Variants in ZNF599 observed in about 807,000 individuals in gnomAD.
ZNF599 encodes the protein zinc finger protein 599.
ZNF599 carries 10 observed loss-of-function variants against 11.7 expected under a neutral mutation model. The ratio of observed to expected loss-of-function variants is 0.86; its 90% confidence interval spans 0.53 to 1.45. The LOEUF is 1.45. Among genes scored for constraint, ZNF599 ranks in the 40% most tolerant of loss-of-function variants. The probability of loss-of-function intolerance (pLI) is 0.00; values close to 1 mark genes in which losing one functional copy is unlikely to be tolerated. For missense variants in ZNF599, 688 were observed against 713.6 expected, an observed-to-expected ratio of 0.96 and a Z score of 0.41; for synonymous variants, 232 against 253.2, an observed-to-expected ratio of 0.92 and a Z score of 0.79.
rs1413506259 is a variant in ZNF599 at position 34,767,203 on chromosome 19, C to G, written c.241+113G>C. 4.1e-6 allele frequency: 3 copies of G among 740,192 alleles called. No individual in the cohort carries two copies. The Admixed American group carries it at 6.5e-5, about 16-fold the overall frequency. 45.9% of individuals were successfully genotyped at this position (740,192 alleles called of 1,614,324 possible). ...AGACGGGGGACCATGGGGTCAAGGG[C>G]TCCATGACTGCTCAAGACCACAAAA... On this transcript the variant is annotated intron_variant, in intron 3 of 3. Transcript: ENST00000329285.
chr19:34,765,364 G>A, intron 3 of ZNF599: 1 of 563,588 alleles, frequency 1.8e-6, no homozygotes, highest in Non-Finnish European at 3.2e-6. Flanking sequence ...GTCTCACACA[G>A]TGGCTTGATT....
At chr19:34,766,673 G>T (rs1308401865) in intron 3 of ZNF599, among the ~76,000 whole-genome samples, 9 of 152,180 alleles carry the variant, frequency 5.9e-5, no homozygotes, top group African/African-American at 1.9e-4. Flanking sequence ...TAGGCTAAGT[G>T]TATCAGATAA....
At chr19:34,777,385 TTA>T (rs1568496985), upstream of ZNF599, among the ~76,000 whole-genome samples, 7 of 86,148 alleles carry the variant, frequency 8.1e-5, no homozygotes, top group East Asian at 1.5e-3. Context: ...TATATATTAA[TTA>T]ATATATAATA....
At chr19:34,776,983 A>G (rs1284831676), upstream of ZNF599, among the ~76,000 whole-genome samples, 1 of 151,962 alleles carries the variant, frequency 6.6e-6, no homozygotes, top group Non-Finnish European at 1.5e-5. Flanking sequence ...GTAAACTGAC[A>G]TGGCACACTG....
chr19:34,790,635 T>C, the ZNF599 span, among the ~76,000 whole-genome samples: 2 of 152,096 alleles, frequency 1.3e-5, no homozygotes, highest in African/African-American at 4.8e-5. Flanking sequence ...AAGATGTTGA[T>C]CAATGGTGCA....
intron 1 of ZNF599, among the ~76,000 whole-genome samples, chr19:34,771,904 A>G (rs2069186098): frequency 6.6e-6 from 1 of 152,224 alleles, no homozygotes; most frequent in African/African-American, 2.4e-5. Context: ...TCTAGAAAAC[A>G]ACACAAGAGT....
chr19:34,769,281 C>G, intron 2 of ZNF599, 148 bp downstream of exon 2: 1 of 962,050 alleles, frequency 1.0e-6, no homozygotes, highest in Non-Finnish European at 1.6e-6. Context: ...CACAGGGAAA[C>G]CCAGCAAGAG....
rs746093171 is a variant in ZNF599, at chr19:34,760,055, T to C, written c.746A>G (p.His249Arg). ...ACACTTGTATGGTTTTTCCCCAGTA[T>C]GAAGCCTCATATGTCGAATGACATC... is the stretch of plus-strand genomic sequence containing the variant. ...MADVIRHMRLHTGEKPYKCIE... is the reference protein window; with the variant it reads ...MADVIRHMRLRTGEKPYKCIE... The change falls in exon 4 of 4, where the codon CAT (histidine) becomes CGT (arginine). Residue 249 changes from histidine to arginine, a missense_variant. By Grantham distance (29) the His-to-Arg change is conservative. Coordinates refer to ENST00000329285, the MANE Select transcript of ZNF599 (RefSeq NM_001007248.3). 6.2e-7 allele frequency: 1 copy of C among 1,614,136 alleles called. No individual in the cohort carries two copies. Among genetic ancestry groups the C allele is most frequent in the East Asian group, 2.2e-5 (1 of 44,880 alleles).
chr19:34,780,387 T>C, the ZNF599 span, among the ~76,000 whole-genome samples: 1 of 152,084 alleles, frequency 6.6e-6, no homozygotes, highest in Non-Finnish European at 1.5e-5. Context: ...TGTGCACCTA[T>C]AGTCCCAGCT....
At chr19:34,801,559 A>G in the ZNF599 span, among the ~76,000 whole-genome samples, 2 of 152,248 alleles carry the variant, frequency 1.3e-5, no homozygotes, top group African/African-American at 4.8e-5. Context: ...TAGCTTTCAC[A>G]TATGTGATAC....
the ZNF599 span, chr19:34,779,627 A>T: frequency 2.9e-6 from 1 of 348,872 alleles, no homozygotes; most frequent in Middle Eastern, 3.9e-4. Flanking sequence ...CTCTTAGGAG[A>T]TGCACTCATA....
chr19:34,789,631 A>G, the ZNF599 span, among the ~76,000 whole-genome samples: 1 of 152,082 alleles, frequency 6.6e-6, no homozygotes, highest in African/African-American at 2.4e-5. Flanking sequence ...TCATATAGTT[A>G]TTGGTCATTT....
upstream of ZNF599, among the ~76,000 whole-genome samples, chr19:34,773,770 C>A (rs2069201965): frequency 6.6e-6 from 1 of 152,114 alleles, no homozygotes; most frequent in Admixed American, 6.5e-5. Flanking sequence ...ATTTGAGAAC[C>A]AGACTCTTTA....
chr19:34,799,223 G>A, the ZNF599 span, among the ~76,000 whole-genome samples: 2 of 152,120 alleles, frequency 1.3e-5, no homozygotes, highest in East Asian at 3.9e-4. Flanking sequence ...GGCTGGTCTG[G>A]AACTCCATAG....
At chr19:34,761,491 C>T (rs2069113504) in intron 3 of ZNF599, among the ~76,000 whole-genome samples, 1 of 152,122 alleles carries the variant, frequency 6.6e-6, no homozygotes, top group Non-Finnish European at 1.5e-5. Flanking sequence ...ACCAGGATAA[C>T]TCTGAAGAAT....
upstream of ZNF599, among the ~76,000 whole-genome samples, chr19:34,773,735 C>G (rs1027915619): frequency 2.0e-5 from 3 of 152,128 alleles, no homozygotes; most frequent in Non-Finnish European, 4.4e-5. Flanking sequence ...CTTAACTTGT[C>G]CAGGAAAAGT....
the ZNF599 span, among the ~76,000 whole-genome samples, chr19:34,788,883 A>C: frequency 6.6e-6 from 1 of 152,232 alleles, no homozygotes; most frequent in African/African-American, 2.4e-5. Context: ...TAACATGTAT[A>C]GACATTAGAA....
rs912917126 is a variant in ZNF599 at position 34,773,044 on chromosome 19, C to A, written c.-203G>T. On this transcript the variant is annotated 5_prime_UTR_variant, in exon 1 of 4. Coordinates refer to ENST00000329285, the MANE Select transcript of ZNF599 (RefSeq NM_001007248.3). Reference sequence around the variant, plus strand: ...AAGGCCCCAGGAAGGGTTTTGCAGACGCTTGTGGGGGTGGGATCGCGGCTG... The same window carrying A: ...AAGGCCCCAGGAAGGGTTTTGCAGAAGCTTGTGGGGGTGGGATCGCGGCTG... 5.2e-6 allele frequency: 3 copies of A among 576,926 alleles called. No individual in the cohort carries two copies. Among genetic ancestry groups the A allele is most frequent in the Non-Finnish European group, 8.7e-6 (3 of 344,550 alleles). The allele number at this position is 576,926 out of a possible 1,614,324, so 35.7% of individuals were successfully genotyped here.
intron 3 of ZNF599, among the ~76,000 whole-genome samples, chr19:34,761,811 A>G (rs1568492834): frequency 6.6e-6 from 1 of 152,224 alleles, no homozygotes; most frequent in Non-Finnish European, 1.5e-5. Flanking sequence ...GTCAGAAGCT[A>G]AACATTAAAC....
Sources: gnomAD v4.1 joint callset for allele counts (sites outside exome capture counted in the v4.1 genomes callset) on GRCh38, gnomAD v4.1.1 for gene constraint, MANE v1.5 for transcripts, NCBI Gene and HGNC (gene_info 2026-07-23, HGNC 2026-07-21) for gene names.